The following SPECC1L variants were observed in gnomAD, a reference collection of about 807,000 sequenced individuals.
SPECC1L encodes the protein cytospin-A.
SPECC1L carries 40 observed loss-of-function variants against 116.8 expected under a neutral mutation model. The observed-to-expected ratio is 0.34, with a 90% CI of 0.27 to 0.45. SPECC1L has a LOEUF of 0.45. Ranked by LOEUF, SPECC1L falls within the 20% of genes least tolerant of loss-of-function variation. The pLI is 1.00. For synonymous variants in SPECC1L, 504 were observed against 500.6 expected, an observed-to-expected ratio of 1.01 and a Z score of -0.09; for missense variants, 1,110 against 1,373.6, an observed-to-expected ratio of 0.81 and a Z score of 3.03.
At chr22:24,339,228 GA>G (rs1299795596) in intron 10 of SPECC1L, among the ~76,000 whole-genome samples, 1 of 152,198 alleles carries the variant, frequency 6.6e-6, no homozygotes, top group Non-Finnish European at 1.5e-5. Flanking sequence ...GACTGAAAAT[GA>G]AAGTTAGCAA....
At chr22:24,360,546 T>G (rs144927125) in intron 11 of SPECC1L, among the ~76,000 whole-genome samples, 278 of 152,244 alleles carry the variant, frequency 1.8e-3, no homozygotes, top group Non-Finnish European at 2.7e-3. Context: ...CAGCAATACA[T>G]TTCATGAACT....
intron 16 of SPECC1L, among the ~76,000 whole-genome samples, chr22:24,413,973 G>A (rs1440188706): frequency 6.6e-6 from 1 of 152,130 alleles, no homozygotes; most frequent in Non-Finnish European, 1.5e-5. Flanking sequence ...TGAGACACTG[G>A]AGTGAGGTGG....
At chr22:24,387,530 T>A (rs1045127121) in intron 14 of SPECC1L, among the ~76,000 whole-genome samples, 3 of 152,156 alleles carry the variant, frequency 2.0e-5, no homozygotes, top group African/African-American at 7.2e-5. Flanking sequence ...TGAGCAAAAA[T>A]TAAGGAAAAA....
chr22:24,356,203 A>G (rs2041530183), intron 11 of SPECC1L, among the ~76,000 whole-genome samples: 1 of 152,078 alleles, frequency 6.6e-6, no homozygotes, highest in African/African-American at 2.4e-5. Flanking sequence ...GTATTGTTCA[A>G]GTCTGGGTCT....
chr22:24,323,032 A>T (rs964713791), intron 5 of SPECC1L, 114 bp downstream of exon 5: 46 of 1,453,262 alleles, frequency 3.2e-5, no homozygotes, highest in Admixed American at 5.2e-5. Context: ...GCTTTTTTTT[A>T]AAACTGATAT....
chr22:24,340,732 A>G (rs1312183953), intron 10 of SPECC1L, among the ~76,000 whole-genome samples: 1 of 152,156 alleles, frequency 6.6e-6, no homozygotes, highest in Non-Finnish European at 1.5e-5. Flanking sequence ...TCTCAAACCT[A>G]ATCGTATATA....
intron 14 of SPECC1L, among the ~76,000 whole-genome samples, chr22:24,407,805 G>A (rs544753262): frequency 2.6e-5 from 4 of 152,218 alleles, no homozygotes; most frequent in African/African-American, 7.2e-5. Context: ...TGCAAATTAC[G>A]GAGCAAGTGA....
intron 3 of SPECC1L, among the ~76,000 whole-genome samples, chr22:24,311,623 G>T (rs1236676494): frequency 5.3e-5 from 8 of 151,954 alleles, no homozygotes; most frequent in Non-Finnish European, 1.5e-5. Flanking sequence ...TGGCCAACGT[G>T]GGAATACCCC....
chr22:24,304,368 G>T (rs1344533411), intron 3 of SPECC1L: 1 of 152,180 alleles, frequency 6.6e-6, no homozygotes, highest in Admixed American at 6.5e-5. Context: ...TGTAGTTGAG[G>T]GTTAAGGGGA....
intron 4 of SPECC1L, among the ~76,000 whole-genome samples, chr22:24,315,754 C>T (rs907978441): frequency 5.3e-5 from 8 of 152,218 alleles, no homozygotes; most frequent in African/African-American, 1.9e-4. Flanking sequence ...ATACCACAGA[C>T]TGGATGGCTT....
chr22:24,350,088 T>C (rs1392374902), intron 11 of SPECC1L, among the ~76,000 whole-genome samples: 2 of 152,054 alleles, frequency 1.3e-5, no homozygotes, highest in Non-Finnish European at 2.9e-5. Context: ...TTGGGCATGC[T>C]CCTGACTTAG....
chr22:24,374,447 AAAT>A (rs906611796), intron 14 of SPECC1L, among the ~76,000 whole-genome samples: 7 of 152,120 alleles, frequency 4.6e-5, no homozygotes, highest in African/African-American at 1.7e-4. Context: ...CAGCCATAAA[AAAT>A]GATGAGTTCA....
At chr22:24,307,694 G>T (rs1359384694) in intron 3 of SPECC1L, among the ~76,000 whole-genome samples, 1 of 151,794 alleles carries the variant, frequency 6.6e-6, no homozygotes, top group Admixed American at 6.6e-5. Context: ...TGAAATAGTT[G>T]CCTATATTTT....
rs145994445 is a variant in SPECC1L, at chr22:24,329,226, A to G, written c.2220+307A>G. The stretch of plus-strand genomic sequence containing the variant: ...GGAAATGCTTATTGGAGCATTTTGG[A>G]TTTCGGATTTTCAGATTTGGGATGC... On this transcript the variant is annotated intron_variant, in intron 7 of 16. Transcript: ENST00000314328. Among the ~76,000 whole-genome samples the G allele has an allele frequency of 3.9e-3, 598 of 152,318 alleles. 5 individuals are homozygous for G. Among genetic ancestry groups the G allele is most frequent in the Non-Finnish European group, 4.5e-3 (306 of 68,032 alleles).
intron 14 of SPECC1L, among the ~76,000 whole-genome samples, chr22:24,403,335 T>A (rs2042517569): frequency 6.6e-6 from 1 of 152,244 alleles, no homozygotes; most frequent in African/African-American, 2.4e-5. Flanking sequence ...GTGCAAAATC[T>A]GAATTCATCG....
At chr22:24,286,261 T>C (rs946991303) in intron 2 of SPECC1L, among the ~76,000 whole-genome samples, 1 of 152,234 alleles carries the variant, frequency 6.6e-6, no homozygotes, top group Non-Finnish European at 1.5e-5. Context: ...AAAGTTTGCT[T>C]ATGTCTTACA....
chr22:24,322,361 C>T lies in SPECC1L; in HGVS notation c.1381C>T (p.Arg461Ter), dbSNP rs781324727. The change falls in exon 5 of 17, where the codon CGA becomes TGA. Residue 461 changes from arginine (R) to a stop codon, truncating the protein, a stop_gained. Transcript: ENST00000314328. LOFTEE classifies it high-confidence loss of function. ...QQSDKLEHFSRQIEYFRSLLD... is the reference protein window; with the variant it reads ...QQSDKLEHFS ...GAGCGATAAGTTGGAACACTTTAGTCGACAGATTGAATACTTCCGCTCTCT... is the reference window on the plus strand; with the variant it reads ...GAGCGATAAGTTGGAACACTTTAGTTGACAGATTGAATACTTCCGCTCTCT... 4 of 1,614,162 alleles carry T rather than the reference C, an allele frequency of 2.5e-6. No homozygotes were observed. The highest frequency in any genetic ancestry group is 3.4e-6 in the Non-Finnish European group (4 of 1,180,024).
At chr22:24,275,741 A>G (rs1361195944) in intron 1 of SPECC1L, among the ~76,000 whole-genome samples, 2 of 152,178 alleles carry the variant, frequency 1.3e-5, no homozygotes, top group African/African-American at 4.8e-5. Flanking sequence ...TCAGAGACTG[A>G]GTCTCACCCT....
chr22:24,346,973 A>G (rs1245957710), intron 10 of SPECC1L, 113 bp from the exon 11 acceptor site: 4 of 836,712 alleles, frequency 4.8e-6, no homozygotes, highest in Non-Finnish European at 8.2e-6. Flanking sequence ...TTACTATAGC[A>G]GTATGGAAAG....
Sources: gnomAD v4.1 joint callset for allele counts (sites outside exome capture counted in the v4.1 genomes callset) on GRCh38, gnomAD v4.1.1 for gene constraint, MANE v1.5 for transcripts, NCBI Gene and HGNC (gene_info 2026-07-23, HGNC 2026-07-21) for gene names.